VGLL4: variants seen among roughly 807,000 people sequenced by gnomAD.
VGLL4 encodes the protein transcription cofactor vestigial-like protein 4.
Under a neutral mutation model 21.0 loss-of-function variants are expected in VGLL4, and 7 were observed. The observed-to-expected ratio is 0.33, with a 90% CI of 0.19 to 0.63. The LOEUF is 0.63. Among genes scored for constraint, VGLL4 ranks in the 20% least tolerant of loss-of-function variants. The probability of loss-of-function intolerance (pLI) is 0.78; values close to 1 mark genes in which losing one functional copy is unlikely to be tolerated. For missense variants in VGLL4, 394 were observed against 425.7 expected (o/e 0.93, Z 0.66); for synonymous variants, 222 against 173.2 (o/e 1.28, Z -2.21).
At chr3:11,693,429 G>T (rs766977953) in intron 2 of VGLL4, among the ~76,000 whole-genome samples, 1 of 152,160 alleles carries the variant, frequency 6.6e-6, no homozygotes, top group Admixed American at 6.5e-5. Flanking sequence ...AAGGGAGCAG[G>T]ATTCTCGTCC....
chr3:11,587,700 C>A (rs982272086), intron 2 of VGLL4, among the ~76,000 whole-genome samples: 1 of 152,198 alleles, frequency 6.6e-6, no homozygotes. Flanking sequence ...AATGTCTGGT[C>A]ATCTCTCTGC....
intron 3 of VGLL4, among the ~76,000 whole-genome samples, chr3:11,561,128 C>A (rs995500120): frequency 6.6e-6 from 1 of 152,102 alleles, no homozygotes; most frequent in East Asian, 1.9e-4. Context: ...CTAGGAGACC[C>A]CCCCCCAGGG....
At chr3:11,639,701 T>C (rs1031815914) in intron 1 of VGLL4, among the ~76,000 whole-genome samples, 1 of 152,256 alleles carries the variant, frequency 6.6e-6, no homozygotes, top group Admixed American at 6.5e-5. Flanking sequence ...GGTGAAACCC[T>C]ACCTCTACCA....
chr3:11,596,957 C>T (rs980496238), intron 2 of VGLL4, among the ~76,000 whole-genome samples: 3 of 152,128 alleles, frequency 2.0e-5, no homozygotes, highest in African/African-American at 7.2e-5. Context: ...GGAAAAACGG[C>T]TAATTCCATG....
At chr3:11,625,089 G>A (rs1480163154) in intron 1 of VGLL4, among the ~76,000 whole-genome samples, 1 of 152,166 alleles carries the variant, frequency 6.6e-6, no homozygotes. Context: ...AACATGTCCA[G>A]AAAGAACCAC....
Position 11,577,612 on chromosome 3 carries a change from G to C in VGLL4, c.273-12593C>G, listed in dbSNP as rs990696911. Among the ~76,000 whole-genome samples, 4 of 152,120 alleles carry C rather than the reference G, an allele frequency of 2.6e-5. No individual in the cohort carries two copies. The South Asian group carries it at 8.3e-4, about 31-fold the overall frequency. ...CACCCCCCAAAAAAACTGTACACTGGAAAGATTGGATGCTTTGTCCAACTC... is the reference window on the plus strand; with the variant it reads ...CACCCCCCAAAAAAACTGTACACTGCAAAGATTGGATGCTTTGTCCAACTC... On this transcript the variant is annotated intron_variant, in intron 2 of 4. Coordinates refer to ENST00000430365, the MANE Select transcript of VGLL4 (RefSeq NM_001128219.3).
chr3:11,578,621 T>A (rs1286221201), intron 2 of VGLL4, among the ~76,000 whole-genome samples: 3 of 149,950 alleles, frequency 2.0e-5, no homozygotes, highest in Non-Finnish European at 3.0e-5. Context: ...GTAATAATAA[T>A]AAATAAATAA....
At chr3:11,563,583 G>C (rs2073229674) in intron 3 of VGLL4, among the ~76,000 whole-genome samples, 1 of 152,186 alleles carries the variant, frequency 6.6e-6, no homozygotes. Context: ...CAGAGGGCTG[G>C]GTAAATGGTG....
intron 3 of VGLL4, among the ~76,000 whole-genome samples, chr3:11,560,778 G>T (rs2072913193): frequency 6.6e-6 from 1 of 152,196 alleles, no homozygotes; most frequent in African/African-American, 2.4e-5. Context: ...GAGCTGCCCA[G>T]GGTTCGTACG....
At chr3:11,618,603 C>T (rs1447874634) in intron 1 of VGLL4, among the ~76,000 whole-genome samples, 1 of 152,120 alleles carries the variant, frequency 6.6e-6, no homozygotes, top group Non-Finnish European at 1.5e-5. Flanking sequence ...AATGGGAAAT[C>T]GTAAGATCCT....
At chr3:11,572,182 G>C (rs1037146257) in intron 2 of VGLL4, among the ~76,000 whole-genome samples, 13 of 152,142 alleles carry the variant, frequency 8.5e-5, no homozygotes, top group African/African-American at 3.1e-4. Context: ...CTCATTTATT[G>C]AAGGACATGC....
At chr3:11,671,256 T>A in intron 2 of VGLL4, 3 of 1,563,524 alleles carry the variant, frequency 1.9e-6, no homozygotes, top group Non-Finnish European at 2.6e-6. Context: ...AAAAGAACAT[T>A]TTTACCATGG....
chr3:11,627,232 T>C (rs112804123), intron 1 of VGLL4: 1 of 96,802 alleles, frequency 1.0e-5, no homozygotes, highest in Non-Finnish European at 2.0e-5. Flanking sequence ...ACACACACAC[T>C]CTCTCTCTCT....
chr3:11,582,153 C>T lies in VGLL4; in HGVS notation c.273-17134G>A. The T allele has an allele frequency of 2.8e-6, 3 of 1,082,858 alleles. No individual in the cohort carries two copies. The Admixed American group carries it at 6.4e-5, about 23-fold the overall frequency. 67.1% of individuals were successfully genotyped at this position (1,082,858 alleles called of 1,614,324 possible). A position where few individuals can be genotyped will look rare whatever the true frequency, so the allele number is the denominator to read the frequency against. On this transcript the variant is annotated intron_variant, in intron 2 of 4. Coordinates refer to ENST00000430365, the MANE Select transcript of VGLL4 (RefSeq NM_001128219.3). Reference sequence around the variant, plus strand: ...GAAAATCACTGCTGTCCCTTCTAAGCAAAGACTACTCTACCTCTCCCAGCA... The same window carrying T: ...GAAAATCACTGCTGTCCCTTCTAAGTAAAGACTACTCTACCTCTCCCAGCA...
At chr3:11,697,316 A>C (rs1396972612) in intron 2 of VGLL4, among the ~76,000 whole-genome samples, 6 of 143,598 alleles carry the variant, frequency 4.2e-5, no homozygotes, top group Non-Finnish European at 9.1e-5. Context: ...TATTTTTCCC[A>C]GGCTAGTCTC....
At chr3:11,596,533 C>T (rs980723288) in intron 2 of VGLL4, among the ~76,000 whole-genome samples, 2 of 152,104 alleles carry the variant, frequency 1.3e-5, no homozygotes, top group East Asian at 1.9e-4. Context: ...ACGGGGAGGG[C>T]GAGGAGGAGC....
At chr3:11,663,306 G>A (rs1253217405) in intron 2 of VGLL4, among the ~76,000 whole-genome samples, 1 of 152,210 alleles carries the variant, frequency 6.6e-6, no homozygotes, top group Non-Finnish European at 1.5e-5. Context: ...AACAAAGTTT[G>A]AAGTCCAGGA....
chr3:11,572,651 T>C (rs574260675), intron 2 of VGLL4, among the ~76,000 whole-genome samples: 1 of 152,304 alleles, frequency 6.6e-6, no homozygotes, highest in South Asian at 2.1e-4. Flanking sequence ...ATCCGTCGCA[T>C]GCTTCACACT....
At chr3:11,689,880 C>T (rs749482478) in intron 2 of VGLL4, among the ~76,000 whole-genome samples, 4 of 152,178 alleles carry the variant, frequency 2.6e-5, no homozygotes, top group Non-Finnish European at 5.9e-5. Flanking sequence ...AAAACAGTCT[C>T]TCCTCCAGTG....
Sources: allele counts gnomAD v4.1 joint callset (sites outside exome capture counted in the v4.1 genomes callset), GRCh38; gene constraint gnomAD v4.1.1; transcripts MANE v1.5; gene names NCBI Gene and HGNC (gene_info 2026-07-23, HGNC 2026-07-21).